The following ASAP2 variants were observed in gnomAD, a reference collection of about 807,000 sequenced individuals.
ASAP2 encodes the protein arf-GAP with SH3 domain, ANK repeat and PH domain-containing protein 2.
Under a neutral mutation model 131.4 loss-of-function variants are expected in ASAP2, and 45 were observed. The ratio of observed to expected loss-of-function variants is 0.34; its 90% confidence interval spans 0.27 to 0.44. The LOEUF (loss-of-function observed/expected upper bound fraction) is 0.44. Among genes scored for constraint, ASAP2 ranks in the 20% least tolerant of loss-of-function variants. The probability of loss-of-function intolerance (pLI) is 1.00; values close to 1 mark genes in which losing one functional copy is unlikely to be tolerated. For missense variants in ASAP2, 1,011 were observed against 1,297.0 expected, an observed-to-expected ratio of 0.78 and a Z score of 3.39; for synonymous variants, 510 against 503.0, an observed-to-expected ratio of 1.01 and a Z score of -0.19.
chr2:9,277,771 T>C (rs1167340808), intron 1 of ASAP2, among the ~76,000 whole-genome samples: 1 of 152,224 alleles, frequency 6.6e-6, no homozygotes, highest in Non-Finnish European at 1.5e-5. Context: ...TCCATGGGCT[T>C]GGACAAATGT....
intron 9 of ASAP2, among the ~76,000 whole-genome samples, chr2:9,335,535 G>A (rs10180881): frequency 5.4e-4 from 82 of 152,274 alleles, no homozygotes; most frequent in African/African-American, 1.9e-3. Context: ...CCTGACATAC[G>A]TGGACTCTGC....
chr2:9,219,877 C>G (rs1165511362), intron 1 of ASAP2, among the ~76,000 whole-genome samples: 1 of 152,118 alleles, frequency 6.6e-6, no homozygotes, highest in Non-Finnish European at 1.5e-5. Context: ...CACCTGTACC[C>G]GAGTCCTTGG....
At chr2:9,243,243 G>A (rs1452313932) in intron 1 of ASAP2, among the ~76,000 whole-genome samples, 1 of 152,068 alleles carries the variant, frequency 6.6e-6, no homozygotes, top group Admixed American at 6.6e-5. Flanking sequence ...CAAGTAGCTG[G>A]GACTACAGGC....
chr2:9,324,911 G>A (rs774012197), intron 6 of ASAP2, among the ~76,000 whole-genome samples: 1 of 151,980 alleles, frequency 6.6e-6, no homozygotes, highest in Non-Finnish European at 1.5e-5. Context: ...ATCCATTAAC[G>A]TTGAATGTTA....
At chr2:9,339,012 T>C (rs1034950434) in intron 9 of ASAP2, among the ~76,000 whole-genome samples, 2 of 152,154 alleles carry the variant, frequency 1.3e-5, no homozygotes, top group African/African-American at 4.8e-5. Context: ...ATTCCATCTC[T>C]ACCAAAAGTC....
intron 3 of ASAP2, among the ~76,000 whole-genome samples, chr2:9,297,702 GTCT>G (rs1668231905): frequency 6.6e-6 from 1 of 152,302 alleles, no homozygotes; most frequent in African/African-American, 2.4e-5. Flanking sequence ...AAATGCATTC[GTCT>G]TCTTAAGGGC....
At chr2:9,323,977 G>T (rs1670324791) in intron 6 of ASAP2, among the ~76,000 whole-genome samples, 1 of 152,234 alleles carries the variant, frequency 6.6e-6, no homozygotes, top group Non-Finnish European at 1.5e-5. Context: ...TGCCACCTCT[G>T]CCTGGGGTTA....
At chr2:9,224,732 T>G (rs1435595573) in intron 1 of ASAP2, among the ~76,000 whole-genome samples, 1 of 152,244 alleles carries the variant, frequency 6.6e-6, no homozygotes, top group East Asian at 1.9e-4. Context: ...GCAATTAGTT[T>G]TTGACTCACT....
intron 1 of ASAP2, among the ~76,000 whole-genome samples, chr2:9,263,313 C>A (rs1030982433): frequency 1.3e-5 from 2 of 152,196 alleles, no homozygotes; most frequent in African/African-American, 4.8e-5. Flanking sequence ...CAGGCCAGGC[C>A]CCCTTGTGCC....
intron 1 of ASAP2, among the ~76,000 whole-genome samples, chr2:9,259,616 T>C (rs968512187): frequency 2.0e-5 from 3 of 152,260 alleles, no homozygotes; most frequent in Non-Finnish European, 2.9e-5. Flanking sequence ...CCCTCGCCTC[T>C]GTCTCCACCT....
intron 3 of ASAP2, among the ~76,000 whole-genome samples, chr2:9,310,777 C>A (rs1024331167): frequency 6.6e-6 from 1 of 152,160 alleles, no homozygotes; most frequent in African/African-American, 2.4e-5. Flanking sequence ...CCCACCACCA[C>A]CATCCACCCC....
intron 1 of ASAP2, among the ~76,000 whole-genome samples, chr2:9,257,671 A>C (rs1665259161): frequency 6.6e-6 from 1 of 152,116 alleles, no homozygotes; most frequent in South Asian, 2.1e-4. Context: ...AACTCACGCC[A>C]CCATGCCCGG....
intron 2 of ASAP2, among the ~76,000 whole-genome samples, chr2:9,280,197 A>C (rs1255000460): frequency 6.6e-6 from 1 of 152,166 alleles, no homozygotes; most frequent in Non-Finnish European, 1.5e-5. Context: ...CCACTGAAGT[A>C]GTCAGGTCCC....
intron 1 of ASAP2, among the ~76,000 whole-genome samples, chr2:9,264,801 T>C (rs916549930): frequency 4.6e-5 from 7 of 152,112 alleles, no homozygotes; most frequent in Admixed American, 2.0e-4. Flanking sequence ...GGGGAAAATA[T>C]TCAAGAAAAA....
intron 2 of ASAP2, among the ~76,000 whole-genome samples, chr2:9,290,919 A>T (rs1032100094): frequency 7.9e-5 from 12 of 152,210 alleles, no homozygotes; most frequent in African/African-American, 2.9e-4. Flanking sequence ...CAGTTTATTG[A>T]CTGCTAGCAA....
intron 1 of ASAP2, among the ~76,000 whole-genome samples, chr2:9,247,538 G>A (rs904716370): frequency 3.3e-5 from 5 of 152,184 alleles, no homozygotes; most frequent in African/African-American, 1.2e-4. Context: ...TTATAGAAGG[G>A]TTTTTAAGGC....
chr2:9,361,709 AG>A (rs1442638804), intron 15 of ASAP2, among the ~76,000 whole-genome samples: 7 of 151,976 alleles, frequency 4.6e-5, no homozygotes, highest in Non-Finnish European at 8.8e-5. Context: ...CTGAGACTAC[AG>A]GCAAGTGCTA....
At chr2:9,317,393 CA>C in intron 3 of ASAP2, among the ~76,000 whole-genome samples, 1 of 150,832 alleles carries the variant, frequency 6.6e-6, no homozygotes, top group Non-Finnish European at 1.5e-5. Context: ...TCCACACACA[CA>C]CCCTCAAACA....
chr2:9,243,291 G>A (rs547329864), intron 1 of ASAP2, among the ~76,000 whole-genome samples: 1 of 152,230 alleles, frequency 6.6e-6, no homozygotes, highest in Non-Finnish European at 1.5e-5. Flanking sequence ...TGTATTTTTA[G>A]TAGAGATGGG....
Sources: gnomAD v4.1 joint callset for allele counts (sites outside exome capture counted in the v4.1 genomes callset) on GRCh38, gnomAD v4.1.1 for gene constraint, MANE v1.5 for transcripts, NCBI Gene and HGNC (gene_info 2026-07-23, HGNC 2026-07-21) for gene names.